Variants in ACOX2 observed in about 807,000 individuals in gnomAD.
ACOX2 encodes the protein acyl-CoA oxidase 2.
Under a neutral mutation model 77.5 loss-of-function variants are expected in ACOX2, and 59 were observed. The ratio of observed to expected loss-of-function variants is 0.76; its 90% CI spans 0.62 to 0.95. The LOEUF (loss-of-function observed/expected upper bound fraction) is 0.95, where lower values mean the gene tolerates loss of function less well. Ranked by LOEUF, ACOX2 falls within the 40% of genes least tolerant of loss-of-function variation. The pLI, the probability that ACOX2 is intolerant of heterozygous loss-of-function variation, is 0.00. For synonymous variants in ACOX2, 317 were observed against 340.1 expected, an observed-to-expected ratio of 0.93 and a Z score of 0.75; for missense variants, 837 against 880.4, an observed-to-expected ratio of 0.95 and a Z score of 0.62.
chr3:58,525,837 A>G lies in ACOX2; in HGVS notation c.1346+629T>C, dbSNP rs534146500. Among the ~76,000 whole-genome samples the G allele has an allele frequency of 7.2e-5, 11 of 152,290 alleles. No homozygotes were observed. The East Asian group carries it at 2.1e-3, about 29-fold the overall frequency. ...CAGGAGTTGGAGAGCAGCCTGGCCA[A>G]CATGGTGAAACCCCATCTCTACTAA... is the stretch of plus-strand genomic sequence containing the variant. On this transcript the variant is annotated intron_variant, in intron 10 of 14. Coordinates refer to ENST00000302819, the MANE Select transcript of ACOX2 (RefSeq NM_003500.4). This position sits in a 1 kb window ranked among gnomAD's most constrained non-coding sequence, Gnocchi z 5.0.
Position 58,524,330 on chromosome 3 carries a change from T to C in ACOX2, c.1526+96A>G. 1.4e-6 allele frequency: 2 copies of C among 1,479,524 alleles called. No individual in the cohort carries two copies. Among genetic ancestry groups the C allele is most frequent in the Non-Finnish European group, 1.8e-6 (2 of 1,093,316 alleles). The allele number at this position is 1,479,524 out of a possible 1,614,324, so 91.6% of individuals were successfully genotyped here. A position where few individuals can be genotyped will look rare whatever the true frequency, so the allele number is the denominator to read the frequency against. On this transcript the variant is annotated intron_variant, in intron 11 of 14. Coordinates refer to ENST00000302819, the MANE Select transcript of ACOX2 (RefSeq NM_003500.4). This position sits in a 1 kb window ranked among gnomAD's most constrained non-coding sequence, Gnocchi z 5.5. Reference sequence around the variant, plus strand: ...CTAGGCATGGGGTGGTTTTTAGAACTGAATCCACGAATGTCCACCCAACCA... The same window carrying C: ...CTAGGCATGGGGTGGTTTTTAGAACCGAATCCACGAATGTCCACCCAACCA...
chr3:58,528,911 T>A lies in ACOX2; in HGVS notation c.1038A>T (p.Lys346Asn). 1 of 1,613,218 alleles carries A rather than the reference T, an allele frequency of 6.2e-7. No individual in the cohort carries two copies. Among genetic ancestry groups the A allele is most frequent in the Non-Finnish European group, 8.5e-7 (1 of 1,179,628 alleles). ...KVLDYQTQQQ[K>N]LFPQLAISYA... ...AACTGATGGCCAGCTGAGGAAAGAG[T>A]TTCTGCTGTTGTGTCTGGTAGTCCA... is the stretch of plus-strand genomic sequence containing the variant. Residue 346 changes from lysine (K) to asparagine (N), a missense_variant, in exon 9 of 15, where the codon AAA becomes AAT. Transcript: ENST00000302819. The surrounding 1 kb of genome is among the most constrained non-coding windows in gnomAD (Gnocchi z 5.6).
intron 14 of ACOX2, 31 bp downstream of exon 14, chr3:58,508,862 A>T: frequency 1.2e-6 from 2 of 1,609,836 alleles, no homozygotes; most frequent in Non-Finnish European, 1.7e-6. Context: ...CTGCTTTCTT[A>T]CATAATTTAT....
In ACOX2 at chr3:58,534,173, T is replaced by C. The variant is rs762038093; in HGVS notation, c.324-28A>G. 1 of 1,613,002 alleles carries C rather than the reference T, an allele frequency of 6.2e-7. No homozygotes were observed. The highest frequency in any genetic ancestry group is 8.5e-7 in the Non-Finnish European group (1 of 1,179,658). On this transcript the variant is annotated intron_variant, in intron 3 of 14. Transcript: ENST00000302819. This position sits in a 1 kb window ranked among gnomAD's most constrained non-coding sequence, Gnocchi z 4.8. ...GTTGGGGAGAGATGCTGTAGTTGAG[T>C]AGCTTATTGGAGACAGGGGCCCAGG...
chr3:58,535,183 G>C lies in ACOX2; in HGVS notation c.-77C>G, dbSNP rs577348088. The stretch of plus-strand genomic sequence containing the variant: ...CTCCGAGGGTCTGCTCTCAGCATTG[G>C]TCAGTGCAAAGAACCTGTGTGCAAG... On this transcript the variant is annotated 5_prime_UTR_variant, in exon 2 of 15. Coordinates refer to ENST00000302819, the MANE Select transcript of ACOX2 (RefSeq NM_003500.4). This position sits in a 1 kb window ranked among gnomAD's most constrained non-coding sequence, Gnocchi z 4.8. 4 of 1,581,770 alleles carry C rather than the reference G, an allele frequency of 2.5e-6. No homozygotes were observed. Among genetic ancestry groups the C allele is most frequent in the South Asian group, 1.1e-5 (1 of 89,102 alleles).
chr3:58,512,340 A>T lies in ACOX2; in HGVS notation c.1851-3315T>A, dbSNP rs1302038330. Among the ~76,000 whole-genome samples, 1 of 152,106 alleles carries T rather than the reference A, an allele frequency of 6.6e-6. No individual in the cohort carries two copies. The highest frequency in any genetic ancestry group is 1.5e-5 in the Non-Finnish European group (1 of 68,024). On this transcript the variant is annotated intron_variant, in intron 13 of 14. Coordinates refer to ENST00000302819, the MANE Select transcript of ACOX2 (RefSeq NM_003500.4). This position sits in a 1 kb window ranked among gnomAD's most constrained non-coding sequence, Gnocchi z 4.8. ...TCCAGCACTGTCACTGCTCCAATCCACTATCATCACTCACTTGGATGATTG... is the reference window on the plus strand; with the variant it reads ...TCCAGCACTGTCACTGCTCCAATCCTCTATCATCACTCACTTGGATGATTG...
chr3:58,509,131 C>G, intron 13 of ACOX2, 106 bp from the exon 14 acceptor site: 1 of 1,345,546 alleles, frequency 7.4e-7, no homozygotes, highest in Non-Finnish European at 1.0e-6. Flanking sequence ...CATGATTATT[C>G]GCTTTTCAAA....
At chr3:58,536,654 G>A (rs2063483855) in intron 1 of ACOX2, among the ~76,000 whole-genome samples, 1 of 152,022 alleles carries the variant, frequency 6.6e-6, no homozygotes, top group Non-Finnish European at 1.5e-5. Flanking sequence ...GAATGCTCCA[G>A]GCCTCCCTGC....
rs1577002077 is a variant in ACOX2 at position 58,533,434 on chromosome 3, T to G, written c.583+11A>C. On this transcript the variant is annotated intron_variant, in intron 5 of 14. Coordinates refer to ENST00000302819, the MANE Select transcript of ACOX2 (RefSeq NM_003500.4). The surrounding 1 kb of genome is among the most constrained non-coding windows in gnomAD (Gnocchi z 5.6). ...GGGAGAGTTAAGGAAGGGGGGTGGATGTATACTCACAGTCTCCAGGCCACC... is the reference window on the plus strand; with the variant it reads ...GGGAGAGTTAAGGAAGGGGGGTGGAGGTATACTCACAGTCTCCAGGCCACC... 2 of 1,610,856 alleles carry G rather than the reference T, an allele frequency of 1.2e-6. No homozygotes were observed. Among genetic ancestry groups the G allele is most frequent in the East Asian group, 2.2e-5 (1 of 44,820 alleles).
Position 58,517,127 on chromosome 3 carries a change from T to C in ACOX2, c.1850+79A>G, listed in dbSNP as rs2063326401. On this transcript the variant is annotated intron_variant, in intron 13 of 14. Transcript: ENST00000302819. ...GCTGCTCTGCCCATTAGCAAGGTTT[T>C]GGAGTTGGAAGTGACCTGTGAACAA... 2.0e-6 allele frequency: 3 copies of C among 1,501,422 alleles called. No homozygotes were observed. In the Admixed American group the frequency reaches 5.2e-5, roughly 26 times the overall value. The allele number at this position is 1,501,422 out of a possible 1,614,324, so 93.0% of individuals were successfully genotyped here.
At chr3:58,511,043 C>A (rs1431315816) in intron 13 of ACOX2, 1 of 456,594 alleles carries the variant, frequency 2.2e-6, no homozygotes. Context: ...GATGGCTTTA[C>A]ATCGTATTTC....
chr3:58,520,205 C>A (rs1373082002), intron 12 of ACOX2, among the ~76,000 whole-genome samples: 2 of 152,198 alleles, frequency 1.3e-5, no homozygotes, highest in African/African-American at 2.4e-5. Flanking sequence ...AAAGTAGGTA[C>A]TGTTATTAGC....
chr3:58,511,862 C>T (rs1022239555), intron 13 of ACOX2, among the ~76,000 whole-genome samples: 29 of 152,196 alleles, frequency 1.9e-4, no homozygotes, highest in Non-Finnish European at 3.8e-4. Context: ...ACATTCTCTC[C>T]TGAACTGGAT....
Position 58,534,337 on chromosome 3 carries a change from G to T in ACOX2, c.323+23C>A. 2.5e-6 allele frequency: 4 copies of T among 1,613,440 alleles called. No individual in the cohort carries two copies. The highest frequency in any genetic ancestry group is 3.4e-6 in the Non-Finnish European group (4 of 1,179,576). Reference sequence around the variant, plus strand: ...GATCCCAGGTAGATCCCTCTCTAGTGGGGCTGCTCGAGGAGTGAGCACCTG... The same window carrying T: ...GATCCCAGGTAGATCCCTCTCTAGTTGGGCTGCTCGAGGAGTGAGCACCTG... On this transcript the variant is annotated intron_variant, in intron 3 of 14. Transcript: ENST00000302819. The surrounding 1 kb of genome is among the most constrained non-coding windows in gnomAD (Gnocchi z 4.8).
At chr3:58,527,536 GA>G (rs71625626) in intron 9 of ACOX2, among the ~76,000 whole-genome samples, 265 of 107,570 alleles carry the variant, frequency 2.5e-3, no homozygotes, top group Admixed American at 4.0e-3. Context: ...ACTGTCTCAG[GA>G]AAAAAAAAAA....
Position 58,524,375 on chromosome 3 carries a change from G to T in ACOX2, c.1526+51C>A. ...CAACCAATCCAAAGGCCCTAGTGTG[G>T]CATGGAGCCTGTGCCCAGGTGGGAT... On this transcript the variant is annotated intron_variant, in intron 11 of 14. Coordinates refer to ENST00000302819, the MANE Select transcript of ACOX2 (RefSeq NM_003500.4). The surrounding 1 kb of genome is among the most constrained non-coding windows in gnomAD (Gnocchi z 5.5). The T allele has an allele frequency of 6.3e-7, 1 of 1,587,410 alleles. No homozygotes were observed. Among genetic ancestry groups the T allele is most frequent in the Non-Finnish European group, 8.6e-7 (1 of 1,161,464 alleles).
intron 14 of ACOX2, among the ~76,000 whole-genome samples, chr3:58,507,568 C>T (rs931799846): frequency 1.3e-5 from 2 of 152,156 alleles, no homozygotes; most frequent in African/African-American, 4.8e-5. Context: ...GGTGTTATAG[C>T]AGGGCGGGTT....
chr3:58,519,714 C>A lies in ACOX2; in HGVS notation c.1633-2291G>T, dbSNP rs1205485984. 6.6e-6 allele frequency among the ~76,000 whole-genome samples: 1 copy of A among 152,206 alleles called. No homozygotes were observed. The highest frequency in any genetic ancestry group is 1.5e-5 in the Non-Finnish European group (1 of 68,030). ...GAAAGAACTTGTGTTTCCTAGGGGG[C>A]CCTCACACAGGTGCTGACAACTCCA... On this transcript the variant is annotated intron_variant, in intron 12 of 14. Transcript: ENST00000302819. The surrounding 1 kb of genome is among the most constrained non-coding windows in gnomAD (Gnocchi z 5.0).
rs2063434813 is a variant in ACOX2 at position 58,531,064 on chromosome 3, C to T, written c.819+187G>A. On this transcript the variant is annotated intron_variant, in intron 7 of 14. Coordinates refer to ENST00000302819, the MANE Select transcript of ACOX2 (RefSeq NM_003500.4). This position sits in a 1 kb window ranked among gnomAD's most constrained non-coding sequence, Gnocchi z 5.8. ...ATTTCTGCATGAGAGGTCTGAGGCT[C>T]TGTGCCCAAGATCATACTGCTCCTA... Among the ~76,000 whole-genome samples the T allele has an allele frequency of 6.6e-6, 1 of 152,216 alleles. No individual in the cohort carries two copies. The highest frequency in any genetic ancestry group is 2.1e-4 in the South Asian group (1 of 4,832).
Sources: gnomAD v4.1 joint callset for allele counts (sites outside exome capture counted in the v4.1 genomes callset) on GRCh38, gnomAD v4.1.1 for gene constraint, Gnocchi (gnomAD v3.1) non-coding constraint, MANE v1.5 for transcripts, NCBI Gene and HGNC (gene_info 2026-07-23, HGNC 2026-07-21) for gene names.